ST6GALNAC3: variants seen among roughly 807,000 people sequenced by gnomAD.
The protein encoded by ST6GALNAC3 is ST6 N-acetylgalactosaminide alpha-2,6-sialyltransferase 3, also known as alpha-N-acetylgalactosaminide alpha-2,6-sialyltransferase 3.
ST6GALNAC3 carries 25 observed loss-of-function variants against 32.7 expected under a neutral mutation model. The ratio of observed to expected loss-of-function variants is 0.76; its 90% CI spans 0.56 to 1.07. ST6GALNAC3 has a LOEUF of 1.07. Among genes scored for constraint, ST6GALNAC3 ranks in the 50% least tolerant of loss-of-function variants. The probability of loss-of-function intolerance (pLI) is 0.00; values close to 1 mark genes in which losing one functional copy is unlikely to be tolerated. For missense variants in ST6GALNAC3, 355 were observed against 382.4 expected (o/e 0.93, Z 0.60); for synonymous variants, 129 against 133.1 (o/e 0.97, Z 0.21).
intron 1 of ST6GALNAC3, among the ~76,000 whole-genome samples, chr1:76,143,342 G>T (rs1650452529): frequency 2.0e-5 from 3 of 151,624 alleles, no homozygotes. Context: ...GCCTCATTAG[G>T]TGATTGCAAA....
chr1:76,610,220 G>A (rs1266674147), intron 3 of ST6GALNAC3, among the ~76,000 whole-genome samples: 3 of 152,138 alleles, frequency 2.0e-5, no homozygotes, highest in African/African-American at 7.2e-5. Context: ...CCCAAACACA[G>A]TGCTAACTGG....
chr1:76,229,026 C>T (rs890481649), intron 1 of ST6GALNAC3, among the ~76,000 whole-genome samples: 1 of 152,072 alleles, frequency 6.6e-6, no homozygotes, highest in South Asian at 2.1e-4. Context: ...CTCATGGGCC[C>T]GCTCTGGTTT....
rs192423263 is a variant in ST6GALNAC3, at chr1:76,431,427, A to G, written c.623+19010A>G. 2.8e-4 allele frequency among the ~76,000 whole-genome samples: 42 copies of G among 152,354 alleles called. 2 individuals carry two copies. Among genetic ancestry groups the G allele is most frequent in the Admixed American group, 2.7e-3 (42 of 15,296 alleles). On this transcript the variant is annotated intron_variant, in intron 3 of 4. Transcript: ENST00000328299. ...AATTTTGATTAAAAAAATAAAATTC[A>G]AGACAAATCCACCTGAATTTTGTAG...
intron 1 of ST6GALNAC3, among the ~76,000 whole-genome samples, chr1:76,144,119 C>T (rs1650521801): frequency 6.7e-6 from 1 of 149,024 alleles, no homozygotes; most frequent in Non-Finnish European, 1.5e-5. Flanking sequence ...CCATGTTTTT[C>T]CCCTTCACCA....
intron 3 of ST6GALNAC3, among the ~76,000 whole-genome samples, chr1:76,579,028 G>T (rs1646853356): frequency 6.6e-6 from 1 of 151,820 alleles, no homozygotes; most frequent in African/African-American, 2.4e-5. Flanking sequence ...TTTCACATTG[G>T]GTATAGCTTT....
At chr1:76,140,445 C>T (rs1650239950) in intron 1 of ST6GALNAC3, among the ~76,000 whole-genome samples, 1 of 152,036 alleles carries the variant, frequency 6.6e-6, no homozygotes, top group South Asian at 2.1e-4. Context: ...CTGCTGGTCA[C>T]ATGGTCCCTG....
At chr1:76,353,002 C>T (rs906708390) in intron 2 of ST6GALNAC3, among the ~76,000 whole-genome samples, 2 of 152,132 alleles carry the variant, frequency 1.3e-5, no homozygotes, top group Admixed American at 1.3e-4. Context: ...CCACTGGTCT[C>T]CTGCTTCCAC....
chr1:76,542,045 A>G (rs1448452890), intron 3 of ST6GALNAC3, among the ~76,000 whole-genome samples: 1 of 152,228 alleles, frequency 6.6e-6, no homozygotes, highest in East Asian at 1.9e-4. Context: ...AGTAAAGGCT[A>G]AGCCATTTTC....
At chr1:76,521,462 C>G (rs1274249456) in intron 3 of ST6GALNAC3, among the ~76,000 whole-genome samples, 1 of 152,048 alleles carries the variant, frequency 6.6e-6, no homozygotes, top group African/African-American at 2.4e-5. Flanking sequence ...TCAAGCAAAC[C>G]CCCTGCCTTA....
intron 1 of ST6GALNAC3, among the ~76,000 whole-genome samples, chr1:76,247,458 A>G (rs536199961): frequency 3.3e-5 from 5 of 152,230 alleles, no homozygotes; most frequent in Non-Finnish European, 7.3e-5. Context: ...TGTCCCAGGA[A>G]GATGAGAGTT....
chr1:76,387,211 C>A (rs1006107142), intron 2 of ST6GALNAC3, among the ~76,000 whole-genome samples: 7 of 152,048 alleles, frequency 4.6e-5, no homozygotes, highest in Non-Finnish European at 1.5e-5. Context: ...ACAATGGTGA[C>A]TGTAGGGCTG....
chr1:76,128,016 T>A (rs1649366885), intron 1 of ST6GALNAC3, among the ~76,000 whole-genome samples: 1 of 152,170 alleles, frequency 6.6e-6, no homozygotes, highest in Non-Finnish European at 1.5e-5. Context: ...TTATGTTATG[T>A]GTCAAACAGG....
Position 76,525,791 on chromosome 1 carries a change from G to GTGTATATATA in ST6GALNAC3, c.624-101660_624-101659insGTATATATAT, listed in dbSNP as rs1438917629. Among the ~76,000 whole-genome samples, 619 of 75,378 alleles carry GTGTATATATA rather than the reference G, an allele frequency of 8.2e-3. 13 individuals carry two copies. The highest frequency in any genetic ancestry group is 0.027 in the East Asian group (38 of 1,428). The allele number at this position is 75,378 out of a possible 152,430, so 49.5% of individuals were successfully genotyped here. A position where few individuals can be genotyped will look rare whatever the true frequency, so the allele number is the denominator to read the frequency against. On this transcript the variant is annotated intron_variant, in intron 3 of 4. Coordinates refer to ENST00000328299, the MANE Select transcript of ST6GALNAC3 (RefSeq NM_152996.4). ...TGTGTTTGTGTGTGTGTGTGTGTGT[G>GTGTATATATA]TATATATATATATATATATATATAT...
intron 1 of ST6GALNAC3, among the ~76,000 whole-genome samples, chr1:76,194,070 T>C (rs921897100): frequency 6.6e-6 from 1 of 152,138 alleles, no homozygotes; most frequent in African/African-American, 2.4e-5. Context: ...CCTAATGAAG[T>C]AGGCACTATG....
chr1:76,401,713 C>T (rs1212765446), intron 2 of ST6GALNAC3, among the ~76,000 whole-genome samples: 1 of 152,120 alleles, frequency 6.6e-6, no homozygotes, highest in East Asian at 1.9e-4. Context: ...ATTTTCAAAA[C>T]TGAGGTTATC....
At chr1:76,432,329 G>A (rs1394596207) in intron 3 of ST6GALNAC3, among the ~76,000 whole-genome samples, 1 of 151,586 alleles carries the variant, frequency 6.6e-6, no homozygotes, top group Non-Finnish European at 1.5e-5. Flanking sequence ...ATAAATATCT[G>A]TGTGCAGGTT....
intron 1 of ST6GALNAC3, among the ~76,000 whole-genome samples, chr1:76,253,678 C>T (rs1034005004): frequency 3.9e-5 from 6 of 152,076 alleles, no homozygotes; most frequent in Admixed American, 1.3e-4. Flanking sequence ...TTACATTAAT[C>T]CTGATCACCA....
intron 1 of ST6GALNAC3, among the ~76,000 whole-genome samples, chr1:76,158,243 T>G (rs1472167091): frequency 6.6e-6 from 1 of 152,156 alleles, no homozygotes. Flanking sequence ...TGGTTTTACT[T>G]TTTTTTTCTG....
At chr1:76,305,736 A>G (rs1190130600) in intron 1 of ST6GALNAC3, among the ~76,000 whole-genome samples, 1 of 152,082 alleles carries the variant, frequency 6.6e-6, no homozygotes, top group African/African-American at 2.4e-5. Flanking sequence ...ACGTGCATGA[A>G]TAATCATCAT....
Sources: allele counts gnomAD v4.1 joint callset (sites outside exome capture counted in the v4.1 genomes callset), GRCh38; gene constraint gnomAD v4.1.1; transcripts MANE v1.5; gene names NCBI Gene and HGNC (gene_info 2026-07-23, HGNC 2026-07-21).